The following NUP210 variants were observed in gnomAD, a reference collection of about 807,000 sequenced individuals.
NUP210 encodes the protein nucleoporin 210.
NUP210 carries 151 observed loss-of-function variants against 196.0 expected under a neutral mutation model. The observed-to-expected ratio is 0.77, with a 90% confidence interval of 0.67 to 0.88. The LOEUF (loss-of-function observed/expected upper bound fraction) is 0.88. NUP210 is among the 40% of genes least tolerant of loss of function. The pLI, the probability that NUP210 is intolerant of heterozygous loss-of-function variation, is 0.00. For missense variants in NUP210, 2,314 were observed against 2,493.7 expected (o/e 0.93, Z 1.53); for synonymous variants, 1,070 against 1,052.7 (o/e 1.02, Z -0.32).
chr3:13,412,231 C>CTTTTTTTTTTTT lies in NUP210; in HGVS notation c.167+7817_167+7828dup, dbSNP rs71066953. Reference sequence around the variant, plus strand: ...CCACACCCAGCTTTATTTTCCTTTTCTTTTTTTTTTTTTTTTAGTAGAGAC... The same window carrying CTTTTTTTTTTTT: ...CCACACCCAGCTTTATTTTCCTTTTCTTTTTTTTTTTTTTTTTTTTTTTTTTTTAGTAGAGAC... On this transcript the variant is annotated intron_variant, in intron 1 of 39. Transcript: ENST00000254508. 1.1e-4 allele frequency among the ~76,000 whole-genome samples: 12 copies of CTTTTTTTTTTTT among 104,734 alleles called. 1 individual carries two copies. The highest frequency in any genetic ancestry group is 1.8e-4 in the Non-Finnish European group (10 of 56,708). 68.7% of individuals were successfully genotyped at this position (104,734 alleles called of 152,430 possible).
rs771343862 is a variant in NUP210 at position 13,399,672 on chromosome 3, G to A, written c.304+53C>T. The A allele has an allele frequency of 6.1e-5, 98 of 1,611,736 alleles. No individual in the cohort carries two copies. In the East Asian group the frequency reaches 1.9e-3, roughly 32 times the overall value. Reference sequence around the variant, plus strand: ...TCTAGGACCCTGGGTCTTAGTGGGCGTTTCCCTGTCTCTGGCTCCCACCGG... The same window carrying A: ...TCTAGGACCCTGGGTCTTAGTGGGCATTTCCCTGTCTCTGGCTCCCACCGG... On this transcript the variant is annotated intron_variant, in intron 2 of 39. Transcript: ENST00000254508.
rs1328058996 is a variant in NUP210 at position 13,321,675 on chromosome 3, G to A, written c.5076C>T (p.Phe1692=). 3.7e-6 allele frequency: 6 copies of A among 1,613,992 alleles called. No homozygotes were observed. The highest frequency in any genetic ancestry group is 1.1e-5 in the South Asian group (1 of 91,072). The change falls in exon 36 of 40, where the codon TTC becomes TTT. Residue 1692 remains phenylalanine (F), a synonymous_variant. Transcript: ENST00000254508. Reference sequence around the variant, plus strand: ...TCAAAAGGATTTCAGCCTGGTCGGCGAAGAGACCTGGGCTGAAGGGCACCT... The same window carrying A: ...TCAAAAGGATTTCAGCCTGGTCGGCAAAGAGACCTGGGCTGAAGGGCACCT... ...GAEVPFSPGL[F]ADQAEILLSN...
At chr3:13,412,312 C>G (rs1700204211) in intron 1 of NUP210, among the ~76,000 whole-genome samples, 1 of 147,444 alleles carries the variant, frequency 6.8e-6, no homozygotes, top group Non-Finnish European at 1.5e-5. Context: ...AAGCGATCCT[C>G]CTGCCTCAAC....
At chr3:13,384,505 C>A (rs185470746) in intron 6 of NUP210, among the ~76,000 whole-genome samples, 58 of 152,324 alleles carry the variant, frequency 3.8e-4, no homozygotes, top group Middle Eastern at 3.4e-3. Flanking sequence ...AGAAATGAGG[C>A]AGGAGGATGG....
chr3:13,391,200 G>A lies in NUP210; in HGVS notation c.533+11C>T. On this transcript the variant is annotated intron_variant, in intron 4 of 39. Coordinates refer to ENST00000254508, the MANE Select transcript of NUP210 (RefSeq NM_024923.4). ...TTCAAAGGGGCCAGGCCTAGCAGAG[G>A]CACCCCTTACCGCAGCGCATTGTGG... The A allele has an allele frequency of 6.2e-7, 1 of 1,600,010 alleles. No homozygotes were observed. The highest frequency in any genetic ancestry group is 1.1e-5 in the South Asian group (1 of 89,712).
intron 3 of NUP210, among the ~76,000 whole-genome samples, chr3:13,395,552 G>A (rs6801187): frequency 0.58 from 88,233 of 152,122 alleles, 26,853 homozygotes; most frequent in African/African-American, 0.77. Flanking sequence ...TCCTGACCTC[G>A]AGTGATCTGC....
intron 1 of NUP210, among the ~76,000 whole-genome samples, chr3:13,417,911 T>C (rs1205640526): frequency 6.6e-6 from 1 of 152,068 alleles, no homozygotes; most frequent in Non-Finnish European, 1.5e-5. Flanking sequence ...AAGAAAATGA[T>C]GTTGGGGGGG....
intron 37 of NUP210, 87 bp from the exon 38 acceptor site, chr3:13,319,412 G>A (rs1242556333): frequency 2.7e-6 from 3 of 1,130,588 alleles, no homozygotes; most frequent in Non-Finnish European, 2.6e-6. Flanking sequence ...ACGTCTACAG[G>A]GCAGTCCACA....
At chr3:13,365,539 C>T (rs80260618) in intron 14 of NUP210, among the ~76,000 whole-genome samples, 5,414 of 152,354 alleles carry the variant, frequency 0.036, 149 homozygotes, top group Middle Eastern at 0.068. Flanking sequence ...TGCCATACCA[C>T]ACGGCCGCTG....
chr3:13,328,917 G>A lies in NUP210; in HGVS notation c.4140C>T (p.Ser1380=). ...TCTGGGTGTGCAGGACAGGGCTCAT[G>A]GAAACCCTCAGGTAGGAAACAGGGG... ...KVSPVSYLRV[S]MSPVLHTQNK... Residue 1380 remains serine, a synonymous_variant, in exon 31 of 40, where the codon TCC becomes TCT. Transcript: ENST00000254508. 6.2e-7 allele frequency: 1 copy of A among 1,614,024 alleles called. No homozygotes were observed. The highest frequency in any genetic ancestry group is 8.5e-7 in the Non-Finnish European group (1 of 1,179,976).
At position 13,317,729 on chromosome 3, in the gene NUP210, T is replaced by C; in HGVS notation, c.5616A>G (p.Lys1872=). ...TSPNALPPAR[K]ASPPSGLWSP... is the part of the protein sequence containing the mutation. ...TCCACAGCCCTGAGGGAGGGCTGGC[T>C]TTGCGAGCAGGAGGCAATGCATTGG... Residue 1872 remains lysine (K), a synonymous_variant, in exon 40 of 40, where the codon AAA becomes AAG. Coordinates refer to ENST00000254508, the MANE Select transcript of NUP210 (RefSeq NM_024923.4). 1.2e-6 allele frequency: 2 copies of C among 1,611,988 alleles called. No individual in the cohort carries two copies. The highest frequency in any genetic ancestry group is 1.7e-6 in the Non-Finnish European group (2 of 1,179,296).
chr3:13,383,484 G>T (rs967553650), intron 6 of NUP210, among the ~76,000 whole-genome samples: 1 of 149,056 alleles, frequency 6.7e-6, no homozygotes, highest in Non-Finnish European at 1.5e-5. Context: ...GTTCCTCTGG[G>T]CTGTGATACC....
At position 13,365,873 on chromosome 3, in the gene NUP210, C is replaced by T. The variant is rs1698512139; in HGVS notation, c.1932+73G>A. On this transcript the variant is annotated intron_variant, in intron 14 of 39. Coordinates refer to ENST00000254508, the MANE Select transcript of NUP210 (RefSeq NM_024923.4). Reference sequence around the variant, plus strand: ...AATCGGGTTTATCATGCAAATTCGTCAGAGCAAATGGGTAATTTGCATCTG... The same window carrying T: ...AATCGGGTTTATCATGCAAATTCGTTAGAGCAAATGGGTAATTTGCATCTG... 1.1e-5 allele frequency: 16 copies of T among 1,520,984 alleles called. No homozygotes were observed. The South Asian group carries it at 1.8e-4, about 17-fold the overall frequency. 94.2% of individuals were successfully genotyped at this position (1,520,984 alleles called of 1,614,324 possible).
rs71066952 is a variant in NUP210, at chr3:13,401,259, C to CAAAA, written c.168-1402_168-1399dup. Among the ~76,000 whole-genome samples the CAAAA allele has an allele frequency of 1.7e-3, 73 of 43,826 alleles. 8 individuals carry two copies. The highest frequency in any genetic ancestry group is 4.8e-3 in the African/African-American group (49 of 10,236). The allele number at this position is 43,826 out of a possible 152,430, so 28.8% of individuals were successfully genotyped here. A position where few individuals can be genotyped will look rare whatever the true frequency, so the allele number is the denominator to read the frequency against. On this transcript the variant is annotated intron_variant, in intron 1 of 39. Transcript: ENST00000254508. Reference sequence around the variant, plus strand: ...TGGGCAACAGAGTGAGACTCTGGCTCAAAAAAAAAAAAAAAAAAAAAGGCA... The same window carrying CAAAA: ...TGGGCAACAGAGTGAGACTCTGGCTCAAAAAAAAAAAAAAAAAAAAAAAAAGGCA...
chr3:13,343,342 G>GGGGGGGGGGGGGT, intron 20 of NUP210, 39 bp from the exon 21 acceptor site: 19 of 655,972 alleles, frequency 2.9e-5, no homozygotes, highest in Admixed American at 1.0e-4. Context: ...TGGGTGGTGG[G>GGGGGGGGGGGGGT]TTACGCAGCT....
At chr3:13,366,516 C>CTTTTTT (rs58529748) in intron 13 of NUP210, among the ~76,000 whole-genome samples, 6 of 110,852 alleles carry the variant, frequency 5.4e-5, no homozygotes, top group African/African-American at 1.8e-4. Flanking sequence ...TGATTTCTTT[C>CTTTTTT]TTTTTTTTTT....
intron 16 of NUP210, 101 bp from the exon 17 acceptor site, chr3:13,354,208 T>C: frequency 1.1e-5 from 11 of 992,826 alleles, no homozygotes. Context: ...CTGTGGGCTC[T>C]TGGGGGTGCT....
intron 26 of NUP210, 84 bp from the exon 27 acceptor site, chr3:13,337,002 G>A (rs1369228945): frequency 1.9e-6 from 3 of 1,553,812 alleles, no homozygotes; most frequent in East Asian, 2.3e-5. Flanking sequence ...CCTTCAAGCA[G>A]TGGGAGATGA....
At chr3:13,339,804 G>C in intron 25 of NUP210, 50 bp downstream of exon 25, 1 of 1,511,890 alleles carries the variant, frequency 6.6e-7, no homozygotes, top group Non-Finnish European at 9.1e-7. Flanking sequence ...ACAGTAAAGA[G>C]GCTTCTGTCC....
Sources: gnomAD v4.1 joint callset for allele counts (sites outside exome capture counted in the v4.1 genomes callset) on GRCh38, gnomAD v4.1.1 for gene constraint, MANE v1.5 for transcripts, NCBI Gene and HGNC (gene_info 2026-07-23, HGNC 2026-07-21) for gene names.